The following PID1 variants were observed in gnomAD, a reference collection of about 807,000 sequenced individuals.
PID1 encodes PTB-containing, cubilin and LRP1-interacting protein.
Under a neutral mutation model 19.1 loss-of-function variants are expected in PID1, and 10 were observed. The ratio of observed to expected loss-of-function variants is 0.52; its 90% confidence interval spans 0.32 to 0.89. The LOEUF (loss-of-function observed/expected upper bound fraction) is 0.89. PID1 is among the 40% of genes least tolerant of loss of function. The pLI is 0.03. For synonymous variants in PID1, 130 were observed against 116.0 expected, an observed-to-expected ratio of 1.12 and a Z score of -0.78; for missense variants, 248 against 285.3, an observed-to-expected ratio of 0.87 and a Z score of 0.94.
intron 1 of PID1, among the ~76,000 whole-genome samples, chr2:229,169,705 T>C (rs556577542): frequency 1.3e-5 from 2 of 152,186 alleles, no homozygotes; most frequent in Non-Finnish European, 2.9e-5. Context: ...GTCAGCTTCC[T>C]ATCTGCCTTC....
At chr2:229,065,294 G>A (rs1162516065) in intron 2 of PID1, among the ~76,000 whole-genome samples, 1 of 151,972 alleles carries the variant, frequency 6.6e-6, no homozygotes, top group Non-Finnish European at 1.5e-5. Flanking sequence ...TTTTTAGGTG[G>A]GGCAGGAAAA....
At chr2:229,075,872 C>G (rs1458784963) in intron 2 of PID1, among the ~76,000 whole-genome samples, 3 of 152,186 alleles carry the variant, frequency 2.0e-5, no homozygotes, top group Non-Finnish European at 4.4e-5. Context: ...CTGGTACTTT[C>G]CTCTTTGTTT....
chr2:229,119,730 C>T (rs1402262956), intron 2 of PID1, among the ~76,000 whole-genome samples: 1 of 152,148 alleles, frequency 6.6e-6, no homozygotes, highest in African/African-American at 2.4e-5. Context: ...CCTGATCAAA[C>T]GTTTGTTTCT....
chr2:229,187,555 T>C (rs1691158973), intron 1 of PID1, among the ~76,000 whole-genome samples: 1 of 152,072 alleles, frequency 6.6e-6, no homozygotes, highest in Admixed American at 6.5e-5. Context: ...GAGAATAGCA[T>C]AGGAAAGACC....
chr2:229,180,018 C>T (rs142228856), intron 1 of PID1, among the ~76,000 whole-genome samples: 234 of 152,340 alleles, frequency 1.5e-3, no homozygotes, highest in African/African-American at 5.3e-3. Context: ...GTCAAAGGGA[C>T]TGGCTAAATC....
intron 2 of PID1, among the ~76,000 whole-genome samples, chr2:229,133,202 C>T (rs760374237): frequency 3.9e-5 from 6 of 152,188 alleles, no homozygotes; most frequent in Non-Finnish European, 7.3e-5. Flanking sequence ...TCTAATTACA[C>T]CTTGATCCGA....
At position 229,271,018 on chromosome 2, in the gene PID1, A is replaced by T; in HGVS notation, c.26T>A (p.Leu9Gln). 1 of 1,542,928 alleles carries T rather than the reference A, an allele frequency of 6.5e-7. No homozygotes were observed. The highest frequency in any genetic ancestry group is 8.7e-7 in the Non-Finnish European group (1 of 1,143,940). The change falls in exon 1 of 3, where the codon CTG becomes CAG. Residue 9 changes from leucine to glutamine, a missense_variant. Physicochemically the swap from Leu to Gln is moderately radical, Grantham distance 113 (BLOSUM62 -2). Coordinates refer to ENST00000392055, the MANE Select transcript of PID1 (RefSeq NM_001100818.2). ...CGGCTCCCGGGTGCCCCTTACCTGC[A>T]GGCGCTCCGTGGCCGGCTGCCACAT... MWQPATER[L>Q]QHFQTMLKSK...
chr2:229,042,859 T>C (rs1400995581), intron 2 of PID1, among the ~76,000 whole-genome samples: 1 of 152,160 alleles, frequency 6.6e-6, no homozygotes, highest in Non-Finnish European at 1.5e-5. Flanking sequence ...TTTGACAATA[T>C]TGTTACTATT....
intron 1 of PID1, among the ~76,000 whole-genome samples, chr2:229,215,838 C>T (rs984671513): frequency 6.6e-6 from 1 of 152,208 alleles, no homozygotes; most frequent in Non-Finnish European, 1.5e-5. Context: ...ACCAACCAAC[C>T]TGTTCAAATG....
intron 1 of PID1, among the ~76,000 whole-genome samples, chr2:229,179,272 G>C (rs1241345712): frequency 6.6e-6 from 1 of 152,082 alleles, no homozygotes; most frequent in African/African-American, 2.4e-5. Flanking sequence ...TGCAGGCTAG[G>C]GACCTCCATG....
At chr2:229,231,356 T>TTTCAC (rs1178907719) in intron 1 of PID1, among the ~76,000 whole-genome samples, 2 of 152,128 alleles carry the variant, frequency 1.3e-5, no homozygotes, top group Non-Finnish European at 2.9e-5. Flanking sequence ...TGGGCTTCTA[T>TTTCAC]AGTAATTTTC....
At chr2:229,046,082 C>T (rs932731767) in intron 2 of PID1, among the ~76,000 whole-genome samples, 1 of 152,142 alleles carries the variant, frequency 6.6e-6, no homozygotes, top group African/African-American at 2.4e-5. Flanking sequence ...ATGGCTTTTG[C>T]AGCGTCTCAC....
chr2:229,182,140 A>T (rs1351594958), intron 1 of PID1, among the ~76,000 whole-genome samples: 1 of 152,206 alleles, frequency 6.6e-6, no homozygotes, highest in Non-Finnish European at 1.5e-5. Flanking sequence ...ATACCTATCA[A>T]AACAAATGTG....
At chr2:229,218,535 C>G (rs1691898934) in intron 1 of PID1, among the ~76,000 whole-genome samples, 1 of 152,132 alleles carries the variant, frequency 6.6e-6, no homozygotes, top group Non-Finnish European at 1.5e-5. Flanking sequence ...AAACCAGGGT[C>G]AGCAATTACC....
chr2:229,110,126 G>A (rs1291195572), intron 2 of PID1, among the ~76,000 whole-genome samples: 2 of 152,200 alleles, frequency 1.3e-5, no homozygotes, highest in African/African-American at 2.4e-5. Context: ...TTATGCTGAT[G>A]TGAAAGCCTG....
chr2:229,194,816 T>C (rs1016296707), intron 1 of PID1, among the ~76,000 whole-genome samples: 1 of 152,044 alleles, frequency 6.6e-6, no homozygotes, highest in East Asian at 1.9e-4. Context: ...CAATTAACAT[T>C]CCTATATTAC....
chr2:229,077,371 A>G (rs1034929280), intron 2 of PID1, among the ~76,000 whole-genome samples: 9 of 152,198 alleles, frequency 5.9e-5, no homozygotes, highest in Admixed American at 4.6e-4. Flanking sequence ...TTTGCTGCAC[A>G]GAAGCTCTTT....
chr2:229,173,125 T>C (rs1472863604), intron 1 of PID1, among the ~76,000 whole-genome samples: 1 of 152,144 alleles, frequency 6.6e-6, no homozygotes, highest in East Asian at 1.9e-4. Context: ...CACCTCAGCA[T>C]AGATATTTCA....
intron 2 of PID1, among the ~76,000 whole-genome samples, chr2:229,114,027 G>C (rs1267990540): frequency 1.3e-5 from 2 of 152,092 alleles, no homozygotes; most frequent in Non-Finnish European, 2.9e-5. Flanking sequence ...GGAAGAAGAA[G>C]TAATGCGTCA....
Sources: gnomAD v4.1 joint callset for allele counts (sites outside exome capture counted in the v4.1 genomes callset) on GRCh38, gnomAD v4.1.1 for gene constraint, MANE v1.5 for transcripts, NCBI Gene and HGNC (gene_info 2026-07-23, HGNC 2026-07-21) for gene names.